The following SOX6 variants were observed in gnomAD, a reference collection of about 807,000 sequenced individuals.
SOX6 encodes the protein transcription factor SOX-6.
A neutral mutation model predicts 97.8 loss-of-function variants in SOX6; 11 were observed. That is an observed-to-expected ratio of 0.11 (90% CI 0.07 to 0.19). The LOEUF is 0.19. Among genes scored for constraint, SOX6 ranks in the 10% least tolerant of loss-of-function variants. SOX6 has a pLI of 1.00. For synonymous variants in SOX6, 360 were observed against 371.4 expected (o/e 0.97, Z 0.35); for missense variants, 810 against 1,039.5 (o/e 0.78, Z 3.04).
At chr11:16,384,059 C>T (rs1474373617) in intron 1 of SOX6, among the ~76,000 whole-genome samples, 2 of 151,780 alleles carry the variant, frequency 1.3e-5, no homozygotes, top group African/African-American at 2.4e-5. Context: ...CATTGAGAAA[C>T]GTTGTTAAAA....
intron 1 of SOX6, among the ~76,000 whole-genome samples, chr11:16,367,500 G>A (rs916010849): frequency 1.3e-5 from 2 of 152,116 alleles, no homozygotes; most frequent in African/African-American, 4.8e-5. Context: ...GGGGCTTAAA[G>A]GAAAGAACCT....
At chr11:16,119,273 C>G (rs1240453554) in intron 6 of SOX6, among the ~76,000 whole-genome samples, 2 of 152,140 alleles carry the variant, frequency 1.3e-5, no homozygotes, top group African/African-American at 4.8e-5. Flanking sequence ...ATAGTTAATT[C>G]TGGAGGTTAG....
intron 6 of SOX6, among the ~76,000 whole-genome samples, chr11:16,181,559 CA>C (rs5789942): frequency 0.071 from 9,744 of 137,592 alleles, 693 homozygotes; most frequent in East Asian, 0.38. Flanking sequence ...TTTCCCCTTC[CA>C]AAAAAAAAAA....
chr11:16,280,657 G>C (rs1854530437), intron 3 of SOX6, among the ~76,000 whole-genome samples: 1 of 152,036 alleles, frequency 6.6e-6, no homozygotes, highest in Admixed American at 6.6e-5. Flanking sequence ...ATCAAACTGT[G>C]TTTCCCTATA....
intron 3 of SOX6, among the ~76,000 whole-genome samples, chr11:16,250,866 T>C (rs1465085276): frequency 2.6e-5 from 4 of 152,074 alleles, no homozygotes; most frequent in Admixed American, 2.0e-4. Context: ...TTACAAAATA[T>C]ACATTTTGTT....
intron 4 of SOX6, among the ~76,000 whole-genome samples, chr11:16,559,484 G>A (rs1847785505): frequency 6.6e-6 from 1 of 151,074 alleles, no homozygotes; most frequent in East Asian, 2.2e-4. Context: ...CCTTTGATTG[G>A]AACCACAAGC....
In SOX6 at chr11:16,437,270, A is replaced by AT. The variant is rs5789953; in HGVS notation, c.-5+39044dup. On this transcript the variant is annotated intron_variant, in intron 1 of 15. Coordinates refer to the SOX6 transcript ENST00000396356. ...GGGGGCAGAGCAAAACCCTGTCTCT[A>AT]TTTTTTTTTTTTAAAAAAAAGGTAA... is the stretch of plus-strand genomic sequence containing the variant. 8.3e-4 allele frequency among the ~76,000 whole-genome samples: 122 copies of AT among 146,184 alleles called. 1 individual carries two copies. The highest frequency in any genetic ancestry group is 3.1e-3 in the Admixed American group (46 of 14,688).
At chr11:16,519,238 T>A (rs2133159023) in intron 4 of SOX6, among the ~76,000 whole-genome samples, 1 of 152,302 alleles carries the variant, frequency 6.6e-6, no homozygotes, top group Middle Eastern at 3.4e-3. Context: ...CATGTGCAGA[T>A]TTGTCACCTG....
intron 6 of SOX6, among the ~76,000 whole-genome samples, chr11:16,142,455 C>T (rs1589968733): frequency 1.3e-5 from 2 of 152,258 alleles, no homozygotes; most frequent in Admixed American, 1.3e-4. Flanking sequence ...CTCTCCTGCT[C>T]CAAAGGAACA....
intron 2 of SOX6, among the ~76,000 whole-genome samples, chr11:16,734,565 C>T (rs972366368): frequency 6.6e-6 from 1 of 152,102 alleles, no homozygotes; most frequent in Non-Finnish European, 1.5e-5. Flanking sequence ...TAGTTACTCT[C>T]CTTGTTGACC....
intron 12 of SOX6, among the ~76,000 whole-genome samples, chr11:16,015,721 A>C (rs1333565631): frequency 1.3e-5 from 2 of 151,974 alleles, no homozygotes; most frequent in African/African-American, 4.8e-5. Context: ...AGGAGTCTGA[A>C]GCACCACAGT....
At chr11:16,641,535 G>A (rs1047689372) in intron 3 of SOX6, among the ~76,000 whole-genome samples, 1 of 152,112 alleles carries the variant, frequency 6.6e-6, no homozygotes, top group African/African-American at 2.4e-5. Flanking sequence ...TATTGTGTGG[G>A]AGTCTAAGTC....
At chr11:16,152,768 T>TC (rs1274318005) in intron 6 of SOX6, among the ~76,000 whole-genome samples, 1 of 152,192 alleles carries the variant, frequency 6.6e-6, no homozygotes, top group East Asian at 1.9e-4. Context: ...AATTACTTTT[T>TC]TTTTTTTTTG....
intron 1 of SOX6, among the ~76,000 whole-genome samples, chr11:16,390,732 A>G (rs1858148393): frequency 6.6e-6 from 1 of 152,140 alleles, no homozygotes; most frequent in Non-Finnish European, 1.5e-5. Context: ...GAACGCTTTT[A>G]CACTGTTGGT....
chr11:15,981,538 C>G (rs1048635271), intron 15 of SOX6, among the ~76,000 whole-genome samples: 1 of 151,952 alleles, frequency 6.6e-6, no homozygotes, highest in Non-Finnish European at 1.5e-5. Context: ...TAAGCCTATA[C>G]GTCACATATC....
At chr11:16,474,513 A>G (rs1252039331) in intron 1 of SOX6, among the ~76,000 whole-genome samples, 3 of 152,308 alleles carry the variant, frequency 2.0e-5, no homozygotes, top group Non-Finnish European at 2.9e-5. Flanking sequence ...AATAATCTCC[A>G]TGTACATCTC....
chr11:16,269,679 T>C (rs1460388013), intron 3 of SOX6, among the ~76,000 whole-genome samples: 3 of 151,018 alleles, frequency 2.0e-5, no homozygotes, highest in Non-Finnish European at 4.5e-5. Flanking sequence ...TACTCCTAAA[T>C]ATTTAATCTT....
chr11:16,392,884 TCC>T (rs2134428737), intron 1 of SOX6, among the ~76,000 whole-genome samples: 1 of 152,212 alleles, frequency 6.6e-6, no homozygotes, highest in East Asian at 1.9e-4. Context: ...TTGACTCACT[TCC>T]CTGTCTTAGC....
intron 6 of SOX6, among the ~76,000 whole-genome samples, chr11:16,166,567 G>A (rs1388706217): frequency 6.6e-6 from 1 of 152,158 alleles, no homozygotes; most frequent in African/African-American, 2.4e-5. Flanking sequence ...TCAGACTTCA[G>A]GTAGGCTATG....
Sources: gnomAD v4.1 joint callset for allele counts (sites outside exome capture counted in the v4.1 genomes callset) on GRCh38, gnomAD v4.1.1 for gene constraint, MANE v1.5 for transcripts, NCBI Gene and HGNC (gene_info 2026-07-23, HGNC 2026-07-21) for gene names.